PRKG1: variants seen among roughly 807,000 people sequenced by gnomAD.
The protein encoded by PRKG1 is cGMP-dependent protein kinase 1.
In PRKG1, 35 loss-of-function variants were observed where a neutral mutation model predicts 88.1. The ratio of observed to expected loss-of-function variants is 0.40; its 90% CI spans 0.30 to 0.53. The LOEUF is 0.53. PRKG1 is among the 20% of genes least tolerant of loss of function. The pLI, the probability that PRKG1 is intolerant of heterozygous loss-of-function variation, is 0.59. For missense variants in PRKG1, 540 were observed against 839.8 expected, an observed-to-expected ratio of 0.64 and a Z score of 4.41; for synonymous variants, 303 against 292.5, an observed-to-expected ratio of 1.04 and a Z score of -0.37.
chr10:51,892,314 T>A (rs1325322282), intron 4 of PRKG1, among the ~76,000 whole-genome samples: 1 of 152,226 alleles, frequency 6.6e-6, no homozygotes, highest in African/African-American at 2.4e-5. Context: ...TTTTAAAATT[T>A]ATTTATGGAG....
At chr10:51,482,173 G>A (rs1028063166) in intron 3 of PRKG1, among the ~76,000 whole-genome samples, 4 of 152,014 alleles carry the variant, frequency 2.6e-5, no homozygotes, top group African/African-American at 9.7e-5. Context: ...CCACAGACTG[G>A]GGAATAATGG....
chr10:51,274,476 A>G (rs1840063185), intron 2 of PRKG1, among the ~76,000 whole-genome samples: 1 of 152,222 alleles, frequency 6.6e-6, no homozygotes, highest in African/African-American at 2.4e-5. Context: ...GAAACATTGT[A>G]TCTCCTAGTC....
At chr10:51,425,630 C>A (rs1412040175) in intron 2 of PRKG1, among the ~76,000 whole-genome samples, 6 of 152,180 alleles carry the variant, frequency 3.9e-5, no homozygotes, top group Non-Finnish European at 4.4e-5. Flanking sequence ...ACGATGACAA[C>A]AGACTGGGAA....
rs150502742 is a variant in PRKG1 at position 51,101,889 on chromosome 10, T to C, written c.311+26988T>C. 3.3e-5 allele frequency among the ~76,000 whole-genome samples: 5 copies of C among 152,284 alleles called. No homozygotes were observed. In the East Asian group the frequency reaches 7.7e-4, roughly 24 times the overall value. On this transcript the variant is annotated intron_variant, in intron 1 of 17. Coordinates refer to ENST00000373980, the MANE Select transcript of PRKG1 (RefSeq NM_006258.4). ...AAATTGAGGCTAAAAATAGATGAATTGATTAAAATGTGTTTAAGAATTAGT... is the reference window on the plus strand; with the variant it reads ...AAATTGAGGCTAAAAATAGATGAATCGATTAAAATGTGTTTAAGAATTAGT...
chr10:51,641,568 G>GT (rs1398086368), intron 3 of PRKG1, among the ~76,000 whole-genome samples: 3 of 152,054 alleles, frequency 2.0e-5, no homozygotes, highest in Non-Finnish European at 1.5e-5. Flanking sequence ...CGATCAGCTG[G>GT]TTTTTTGGAG....
intron 2 of PRKG1, among the ~76,000 whole-genome samples, chr10:51,177,044 T>A (rs1837214106): frequency 6.6e-6 from 1 of 152,180 alleles, no homozygotes; most frequent in Non-Finnish European, 1.5e-5. Flanking sequence ...TAAGTCAGTA[T>A]TTTGAGCAAA....
intron 9 of PRKG1, among the ~76,000 whole-genome samples, chr10:52,162,934 C>T (rs1045264869): frequency 5.3e-5 from 8 of 152,236 alleles, no homozygotes; most frequent in African/African-American, 1.9e-4. Flanking sequence ...AGTTGTAACA[C>T]CAGGCTCCAT....
chr10:51,358,010 A>G (rs1167345886), intron 2 of PRKG1, among the ~76,000 whole-genome samples: 1 of 151,848 alleles, frequency 6.6e-6, no homozygotes, highest in Non-Finnish European at 1.5e-5. Context: ...CCATTGTTTC[A>G]TAATAAATTA....
chr10:51,998,274 T>A (rs956574078), intron 5 of PRKG1, among the ~76,000 whole-genome samples: 2 of 152,154 alleles, frequency 1.3e-5, no homozygotes, highest in Non-Finnish European at 2.9e-5. Context: ...CTCTCATTGG[T>A]GATTATACTG....
chr10:51,144,444 T>C (rs2131960456), intron 1 of PRKG1, among the ~76,000 whole-genome samples: 1 of 152,072 alleles, frequency 6.6e-6, no homozygotes, highest in East Asian at 1.9e-4. Context: ...GAGGGAAGGC[T>C]CTTTGTACAT....
At chr10:52,119,696 A>C (rs571759199) in intron 7 of PRKG1, among the ~76,000 whole-genome samples, 2 of 152,358 alleles carry the variant, frequency 1.3e-5, no homozygotes, top group Non-Finnish European at 2.9e-5. Flanking sequence ...CCCATGACAC[A>C]ACCTGTCTTG....
intron 17 of PRKG1, among the ~76,000 whole-genome samples, chr10:52,291,697 G>A (rs993743078): frequency 5.9e-5 from 9 of 151,930 alleles, no homozygotes; most frequent in African/African-American, 1.9e-4. Flanking sequence ...ATTGTGAATA[G>A]TGCCGCAATA....
chr10:51,872,560 TC>T (rs1390699286), intron 4 of PRKG1, among the ~76,000 whole-genome samples: 1 of 152,226 alleles, frequency 6.6e-6, no homozygotes, highest in Non-Finnish European at 1.5e-5. Context: ...TATAATTTTT[TC>T]AATTTTTCTT....
intron 2 of PRKG1, among the ~76,000 whole-genome samples, chr10:51,187,465 C>G (rs937518006): frequency 1.4e-4 from 21 of 151,782 alleles, no homozygotes; most frequent in African/African-American, 4.6e-4. Flanking sequence ...AAAAGTTGAC[C>G]TTTTTTCCTT....
intron 2 of PRKG1, among the ~76,000 whole-genome samples, chr10:51,184,277 A>T (rs1420013664): frequency 6.6e-6 from 1 of 152,200 alleles, no homozygotes; most frequent in Non-Finnish European, 1.5e-5. Context: ...TTTTTCCATA[A>T]GGAAGCTTTT....
chr10:52,026,812 T>C, intron 5 of PRKG1, among the ~76,000 whole-genome samples: 1 of 151,992 alleles, frequency 6.6e-6, no homozygotes. Flanking sequence ...CTGCCTCTAC[T>C]AAAAATACAA....
chr10:51,674,946 A>G (rs889162637), intron 3 of PRKG1, among the ~76,000 whole-genome samples: 3 of 152,188 alleles, frequency 2.0e-5, no homozygotes, highest in Admixed American at 1.3e-4. Context: ...TTAAAGAAGC[A>G]GGATTTTAAC....
intron 4 of PRKG1, among the ~76,000 whole-genome samples, chr10:51,874,091 C>T (rs1841230384): frequency 6.6e-6 from 1 of 152,188 alleles, no homozygotes. Flanking sequence ...AATTTAACAG[C>T]AACCTCAAAT....
chr10:51,330,942 C>G (rs1275985884), intron 2 of PRKG1, among the ~76,000 whole-genome samples: 3 of 152,124 alleles, frequency 2.0e-5, no homozygotes, highest in Non-Finnish European at 4.4e-5. Context: ...AGGTACAGCA[C>G]TGAGGTGTAT....
Sources: allele counts gnomAD v4.1 joint callset (sites outside exome capture counted in the v4.1 genomes callset), GRCh38; gene constraint gnomAD v4.1.1; transcripts MANE v1.5; gene names NCBI Gene and HGNC (gene_info 2026-07-23, HGNC 2026-07-21).